The following ICE2 variants were observed in gnomAD, a reference collection of about 807,000 sequenced individuals.
The protein encoded by ICE2 is interactor of little elongation complex ELL subunit 2, also known as little elongation complex subunit 2.
Under a neutral mutation model 105.4 loss-of-function variants are expected in ICE2, and 87 were observed. The ratio of observed to expected loss-of-function variants is 0.83; its 90% CI spans 0.69 to 0.99. The LOEUF is 0.99. Among genes scored for constraint, ICE2 ranks in the 50% least tolerant of loss-of-function variants. The pLI, the probability that ICE2 is intolerant of heterozygous loss-of-function variation, is 0.00. For synonymous variants in ICE2, 399 were observed against 392.0 expected, an observed-to-expected ratio of 1.02 and a Z score of -0.21; for missense variants, 1,323 against 1,146.7, an observed-to-expected ratio of 1.15 and a Z score of -2.22.
chr15:60,453,853 G>T, intron 8 of ICE2, 69 bp from the exon 9 acceptor site: 1 of 1,220,388 alleles, frequency 8.2e-7, no homozygotes. Flanking sequence ...AAAACAGGAT[G>T]TATGACATGA....
rs1344966662 is a variant in ICE2, at chr15:60,449,114, TG to T, written c.1852del (p.Gln618ArgfsTer14). 1.2e-6 allele frequency: 2 copies of T among 1,614,002 alleles called. No individual in the cohort carries two copies. Among genetic ancestry groups the T allele is most frequent in the Non-Finnish European group, 1.7e-6 (2 of 1,180,002 alleles). ...SSSGQASVGN[Q>X]TNTACSPEES... is the part of the protein sequence containing the mutation. ...TTCAGGACTACAAGCAGTATTAGTC[TG>T]GTTTCCTACAGAAGCCTGTCCTGAG... On this transcript the variant is annotated frameshift_variant, in exon 10 of 16. Coordinates refer to ENST00000261520, the MANE Select transcript of ICE2 (RefSeq NM_024611.6). LOFTEE classifies it high-confidence loss of function.
At chr15:60,450,040 T>G (rs1324798507) in intron 9 of ICE2, among the ~76,000 whole-genome samples, 199 bp from the exon 10 acceptor site, 1 of 152,182 alleles carries the variant, frequency 6.6e-6, no homozygotes, top group Non-Finnish European at 1.5e-5. Flanking sequence ...ACTGATATGT[T>G]CATGATAACA....
intron 13 of ICE2, among the ~76,000 whole-genome samples, chr15:60,433,683 G>T (rs747993276): frequency 4.8e-4 from 73 of 151,884 alleles, no homozygotes; most frequent in Admixed American, 1.8e-3. Context: ...TAGAGATGGG[G>T]TTTCACCATG....
intron 3 of ICE2, among the ~76,000 whole-genome samples, chr15:60,474,285 T>C (rs1393110222): frequency 6.6e-6 from 1 of 152,122 alleles, no homozygotes; most frequent in East Asian, 1.9e-4. Flanking sequence ...CTTTTTTCTT[T>C]AATGCTTTTT....
At position 60,456,722 on chromosome 15, in the gene ICE2, A is replaced by T. The variant is rs751968880; in HGVS notation, c.601T>A (p.Leu201Ile). 6.3e-7 allele frequency: 1 copy of T among 1,596,648 alleles called. No homozygotes were observed. Among genetic ancestry groups the T allele is most frequent in the African/African-American group, 1.4e-5 (1 of 73,912 alleles). The stretch of plus-strand genomic sequence containing the variant: ...ACTCTGAATGGGAAGAATCCCATTA[A>T]GCTGGTGACCTCGTGGAGAGTATAG... ...EFYTLHEVTS[L>I]MGFFPFRVEM... is the part of the protein sequence containing the mutation. Residue 201 changes from leucine to isoleucine, a missense_variant, in exon 6 of 16, where the codon TTA becomes ATA. By Grantham distance (5) the Leu-to-Ile change is conservative. Coordinates refer to ENST00000261520, the MANE Select transcript of ICE2 (RefSeq NM_024611.6).
rs758041376 is a variant in ICE2 at position 60,428,436 on chromosome 15, T to C, written c.2813A>G (p.Gln938Arg). ...TTTCAAAAAAGATCTTACCTTTTGTTGTGTTGTGGTATCCAGTGATTTCGG... is the reference window on the plus strand; with the variant it reads ...TTTCAAAAAAGATCTTACCTTTTGTCGTGTTGTGGTATCCAGTGATTTCGG... ...FPPKSLDTTT[Q>R]QKIGGTRMPT... Residue 938 changes from glutamine (Q) to arginine (R), a missense_variant, in exon 15 of 16, where the codon CAA becomes CGA. Physicochemically the swap from Gln to Arg is conservative, Grantham distance 43. Coordinates refer to ENST00000261520, the MANE Select transcript of ICE2 (RefSeq NM_024611.6). 6.2e-7 allele frequency: 1 copy of C among 1,611,172 alleles called. No individual in the cohort carries two copies. Among genetic ancestry groups the C allele is most frequent in the South Asian group, 1.1e-5 (1 of 90,870 alleles).
At chr15:60,471,877 A>G (rs11071537) in intron 3 of ICE2, among the ~76,000 whole-genome samples, 102,935 of 151,720 alleles carry the variant, frequency 0.68, 35,846 homozygotes, top group East Asian at 0.94. Context: ...TAAAAGTAGC[A>G]TTTGGAAATG....
intron 14 of ICE2, among the ~76,000 whole-genome samples, chr15:60,429,105 G>A (rs918423263): frequency 1.2e-4 from 19 of 152,062 alleles, no homozygotes; most frequent in African/African-American, 4.6e-4. Context: ...CAAAAGTGAA[G>A]GTGATATGTT....
chr15:60,423,900 C>T, intron 15 of ICE2, 138 bp from the exon 16 acceptor site: 2 of 725,120 alleles, frequency 2.8e-6, no homozygotes, highest in African/African-American at 3.7e-5. Context: ...AGCTAGCTGG[C>T]TGTTTCTAAA....
At chr15:60,474,945 A>G (rs1430413367) in intron 3 of ICE2, among the ~76,000 whole-genome samples, 1 of 152,172 alleles carries the variant, frequency 6.6e-6, no homozygotes, top group East Asian at 1.9e-4. Context: ...ACACAGCAAG[A>G]CCATGTCTCT....
Position 60,449,255 on chromosome 15 carries a change from C to G in ICE2, c.1712G>C (p.Ser571Thr), listed in dbSNP as rs1389694173. 1.2e-6 allele frequency: 2 copies of G among 1,613,692 alleles called. No homozygotes were observed. Among genetic ancestry groups the G allele is most frequent in the African/African-American group, 2.7e-5 (2 of 75,044 alleles). ...AKTEDTVLCSSDTDEECLIID... is the reference protein window; with the variant it reads ...AKTEDTVLCSTDTDEECLIID... ...GATTAAACACTCCTCATCTGTATCA[C>G]TGCTGCAGAGAACTGTATCTTCAGT... Residue 571 changes from serine to threonine, a missense_variant, in exon 10 of 16, where the codon AGT (serine) becomes ACT (threonine). Ser to Thr is a moderately conservative substitution (Grantham distance 58). Transcript: ENST00000261520.
At position 60,425,250 on chromosome 15, in the gene ICE2, T is replaced by C. The variant is rs373699701; in HGVS notation, c.2821-1488A>G. ...TACAGATTTGTCTGTGTGAATCTGA[T>C]GAAATTTTGTAATATACTGATTAGA... is the stretch of plus-strand genomic sequence containing the variant. On this transcript the variant is annotated intron_variant, in intron 15 of 15. Transcript: ENST00000261520. 2.6e-5 allele frequency among the ~76,000 whole-genome samples: 4 copies of C among 152,220 alleles called. No homozygotes were observed. In the East Asian group the frequency reaches 5.8e-4, roughly 22 times the overall value.
At chr15:60,454,374 C>T (rs2064044174) in intron 8 of ICE2, among the ~76,000 whole-genome samples, 1 of 151,980 alleles carries the variant, frequency 6.6e-6, no homozygotes, top group African/African-American at 2.4e-5. Flanking sequence ...CATAAAAACT[C>T]ACCCATTTGA....
intron 11 of ICE2, among the ~76,000 whole-genome samples, chr15:60,444,464 A>T (rs1405138836): frequency 6.6e-6 from 1 of 152,180 alleles, no homozygotes; most frequent in Non-Finnish European, 1.5e-5. Flanking sequence ...TTCATACTAT[A>T]AAGTTTACTA....
intron 15 of ICE2, among the ~76,000 whole-genome samples, chr15:60,426,803 G>C (rs2063348352): frequency 6.6e-6 from 1 of 152,166 alleles, no homozygotes. Flanking sequence ...TGTTATAGGT[G>C]AGAGACTATA....
At chr15:60,452,459 T>C (rs35673098) in intron 9 of ICE2, 18,182 of 179,026 alleles carry the variant, frequency 0.1, 1,126 homozygotes, top group Middle Eastern at 0.2. Context: ...GTACTCTATT[T>C]TTCTCCATAG....
At chr15:60,428,298 T>A in intron 15 of ICE2, 131 bp downstream of exon 15, 1 of 1,021,268 alleles carries the variant, frequency 9.8e-7, no homozygotes. Flanking sequence ...ATCCTTCCTA[T>A]GGATATAGCT....
Position 60,423,755 on chromosome 15 carries a change from C to T in ICE2, c.2828G>A (p.Gly943Glu). 1 of 1,588,440 alleles carries T rather than the reference C, an allele frequency of 6.3e-7. No individual in the cohort carries two copies. Among genetic ancestry groups the T allele is most frequent in the Non-Finnish European group, 8.5e-7 (1 of 1,171,384 alleles). ...GTGGCTGCGTGTAGGCATTCTCGTT[C>T]CACCAATCTAAGAGATGAAGCAGAG... ...LDTTTQQKIG[G>E]TRMPTRSHRN... The change falls in exon 16 of 16, where the codon GGA becomes GAA. Residue 943 changes from glycine to glutamate, a missense_variant. Coordinates refer to ENST00000261520, the MANE Select transcript of ICE2 (RefSeq NM_024611.6).
rs2063241484 is a variant in ICE2, at chr15:60,421,398, T to C, written c.*2236A>G. ...TGTCAGTTACTTCTTGGCTTATAAA[T>C]TCTCAGTACTAAAAATCAAGAAAAA... On this transcript the variant is annotated 3_prime_UTR_variant, in exon 16 of 16. Coordinates refer to ENST00000261520, the MANE Select transcript of ICE2 (RefSeq NM_024611.6). The C allele has an allele frequency of 1.3e-5, 2 of 152,012 alleles. No homozygotes were observed. Among genetic ancestry groups the C allele is most frequent in the Admixed American group, 1.3e-4 (2 of 15,252 alleles). 9.4% of individuals were successfully genotyped at this position (152,012 alleles called of 1,614,324 possible).
Sources: allele counts gnomAD v4.1 joint callset (sites outside exome capture counted in the v4.1 genomes callset), GRCh38; gene constraint gnomAD v4.1.1; transcripts MANE v1.5; gene names NCBI Gene and HGNC (gene_info 2026-07-23, HGNC 2026-07-21).